Variants in PCP4 observed in about 807,000 individuals in gnomAD.
PCP4 encodes the protein Purkinje cell protein 4.
Under a neutral mutation model 10.0 loss-of-function variants are expected in PCP4, and 8 were observed. That is an observed-to-expected ratio of 0.80 (90% CI 0.47 to 1.45). The LOEUF is 1.45. Among genes scored for constraint, PCP4 ranks in the 40% most tolerant of loss-of-function variants. PCP4 has a pLI of 0.00. For missense variants in PCP4, 54 were observed against 74.4 expected, an observed-to-expected ratio of 0.73 and a Z score of 1.01; for synonymous variants, 21 against 23.0, an observed-to-expected ratio of 0.91 and a Z score of 0.24.
Position 39,879,240 on chromosome 21 carries a change from C to T in PCP4, c.9+11730C>T, listed in dbSNP as rs987010613. ...CTGACCTCAAGTGATCTGCTTGCCT[C>T]GGCCTCCCAAAGAGCTGGGATTGTA... On this transcript the variant is annotated intron_variant, in intron 1 of 2. Transcript: ENST00000328619. Among the ~76,000 whole-genome samples the T allele has an allele frequency of 3.3e-5, 5 of 152,168 alleles. No homozygotes were observed. The South Asian group carries it at 6.2e-4, about 19-fold the overall frequency.
At chr21:39,918,639 A>G (rs1394943570) in intron 2 of PCP4, among the ~76,000 whole-genome samples, 1 of 152,268 alleles carries the variant, frequency 6.6e-6, no homozygotes, top group Non-Finnish European at 1.5e-5. Flanking sequence ...TAGATGCAGA[A>G]AGTCCCCTTG....
intron 1 of PCP4, among the ~76,000 whole-genome samples, chr21:39,885,113 A>C (rs1252297094): frequency 1.3e-5 from 2 of 152,222 alleles, no homozygotes; most frequent in Non-Finnish European, 2.9e-5. Context: ...TGGTCCTTGT[A>C]AATTATGCCA....
intron 1 of PCP4, among the ~76,000 whole-genome samples, chr21:39,874,701 TCAGGTGG>T: frequency 6.7e-6 from 1 of 150,104 alleles, no homozygotes; most frequent in Non-Finnish European, 1.5e-5. Context: ...CATCTGTTCA[TCAGGTGG>T]TTAAGTTCTA....
intron 2 of PCP4, among the ~76,000 whole-genome samples, chr21:39,912,660 A>AT (rs1434223533): frequency 1.3e-5 from 2 of 151,940 alleles, no homozygotes; most frequent in East Asian, 1.9e-4. Context: ...TCCCAATGCC[A>AT]TTTTCCGGGG....
intron 1 of PCP4, among the ~76,000 whole-genome samples, chr21:39,897,428 A>C (rs2087462332): frequency 6.6e-6 from 1 of 151,876 alleles, no homozygotes; most frequent in South Asian, 2.1e-4. Flanking sequence ...TAAGCTTTTC[A>C]ATCCTTTTCA....
intron 1 of PCP4, among the ~76,000 whole-genome samples, chr21:39,876,672 G>T (rs1487286973): frequency 5.9e-5 from 9 of 152,168 alleles, no homozygotes; most frequent in Admixed American, 2.6e-4. Flanking sequence ...CCAGATATTA[G>T]CTATGAATGA....
intron 2 of PCP4, among the ~76,000 whole-genome samples, chr21:39,908,366 C>T (rs903260489): frequency 6.6e-6 from 1 of 152,100 alleles, no homozygotes; most frequent in South Asian, 2.1e-4. Flanking sequence ...AGAGGAGACA[C>T]AAGAGGAAGC....
intron 2 of PCP4, among the ~76,000 whole-genome samples, chr21:39,908,172 G>A (rs527363757): frequency 4.0e-5 from 6 of 150,400 alleles, no homozygotes; most frequent in African/African-American, 1.2e-4. Flanking sequence ...ACTGTGTAGT[G>A]TAATTGGCTG....
At chr21:39,910,333 G>A (rs964019055) in intron 2 of PCP4, among the ~76,000 whole-genome samples, 6 of 152,144 alleles carry the variant, frequency 3.9e-5, no homozygotes, top group African/African-American at 1.4e-4. Context: ...CATCGCAAAC[G>A]GGGCTAATCA....
At chr21:39,895,695 G>T (rs1022178564) in intron 1 of PCP4, among the ~76,000 whole-genome samples, 31 of 152,238 alleles carry the variant, frequency 2.0e-4, no homozygotes, top group Non-Finnish European at 3.7e-4. Context: ...GATGCTGTCA[G>T]AACTCAATGA....
intron 1 of PCP4, among the ~76,000 whole-genome samples, chr21:39,877,388 T>C (rs1476530829): frequency 6.6e-6 from 1 of 152,070 alleles, no homozygotes; most frequent in Non-Finnish European, 1.5e-5. Flanking sequence ...CCCTGTGGAA[T>C]GTTTCATTAA....
At chr21:39,917,069 A>G (rs113468141) in intron 2 of PCP4, among the ~76,000 whole-genome samples, 5,015 of 152,288 alleles carry the variant, frequency 0.033, 296 homozygotes, top group African/African-American at 0.11. Flanking sequence ...CACATCCTAC[A>G]CATGTACCCT....
chr21:39,882,005 A>G (rs115829278), intron 1 of PCP4, among the ~76,000 whole-genome samples: 1 of 152,346 alleles, frequency 6.6e-6, no homozygotes, highest in African/African-American at 2.4e-5. Flanking sequence ...TAAAGGCAGT[A>G]GCCACCTTGT....
At chr21:39,909,634 G>A (rs1281680348) in intron 2 of PCP4, among the ~76,000 whole-genome samples, 1 of 152,048 alleles carries the variant, frequency 6.6e-6, no homozygotes, top group African/African-American at 2.4e-5. Context: ...ATATGGCTGG[G>A]TGTGCCGGGA....
chr21:39,869,792 G>A (rs1022756641), intron 1 of PCP4, among the ~76,000 whole-genome samples: 28 of 152,216 alleles, frequency 1.8e-4, no homozygotes, highest in Admixed American at 2.6e-4. Context: ...GGTTTCTTTG[G>A]TTGGATGAAT....
chr21:39,876,109 A>G (rs1267154500), intron 1 of PCP4, among the ~76,000 whole-genome samples: 2 of 149,900 alleles, frequency 1.3e-5, no homozygotes, highest in Non-Finnish European at 3.0e-5. Context: ...TGAAATATAT[A>G]TTAAATATAT....
intron 2 of PCP4, among the ~76,000 whole-genome samples, chr21:39,917,554 G>A (rs913013382): frequency 6.6e-6 from 1 of 152,138 alleles, no homozygotes; most frequent in Admixed American, 6.5e-5. Context: ...GCATTGGGAT[G>A]GCCCTCTACT....
Position 39,929,018 on chromosome 21 carries a change from T to C in PCP4, c.96T>C (p.Ile32=), listed in dbSNP as rs769661733. 7 of 1,612,958 alleles carry C rather than the reference T, an allele frequency of 4.3e-6. No individual in the cohort carries two copies. Among genetic ancestry groups the C allele is most frequent in the Non-Finnish European group, 5.9e-6 (7 of 1,179,490 alleles). Residue 32 remains isoleucine (I), a synonymous_variant, in exon 3 of 3, where the codon ATT becomes ATC. Transcript: ENST00000328619. The part of the protein sequence containing the change: ...GQKKVQEEFD[I]DMDAPETERA... Reference sequence around the variant, plus strand: ...AGAAAGTTCAAGAAGAATTTGACATTGACATGGATGCACCAGAGACAGAAC... The same window carrying C: ...AGAAAGTTCAAGAAGAATTTGACATCGACATGGATGCACCAGAGACAGAAC...
intron 2 of PCP4, among the ~76,000 whole-genome samples, chr21:39,900,346 T>C (rs1372463701): frequency 1.3e-5 from 2 of 152,164 alleles, no homozygotes; most frequent in South Asian, 4.2e-4. Flanking sequence ...ACATTTTTGT[T>C]CTCACAACTC....
Sources: allele counts gnomAD v4.1 joint callset (sites outside exome capture counted in the v4.1 genomes callset), GRCh38; gene constraint gnomAD v4.1.1; transcripts MANE v1.5; gene names NCBI Gene and HGNC (gene_info 2026-07-23, HGNC 2026-07-21).